The following TTBK1 variants were observed in gnomAD, a reference collection of about 807,000 sequenced individuals.
TTBK1 encodes the protein tau tubulin kinase 1.
In TTBK1, 34 loss-of-function variants were observed where a neutral mutation model predicts 108.5. That is an observed-to-expected ratio of 0.31 (90% CI 0.24 to 0.42). The LOEUF is 0.42. Ranked by LOEUF, TTBK1 falls within the 10% of genes least tolerant of loss-of-function variation. The pLI is 1.00. For synonymous variants in TTBK1, 809 were observed against 795.1 expected, an observed-to-expected ratio of 1.02 and a Z score of -0.29; for missense variants, 1,539 against 1,826.0, an observed-to-expected ratio of 0.84 and a Z score of 2.86.
chr6:43,256,872 T>C (rs1052088923), intron 9 of TTBK1, among the ~76,000 whole-genome samples: 2 of 152,150 alleles, frequency 1.3e-5, no homozygotes, highest in Non-Finnish European at 1.5e-5. Flanking sequence ...ATATAGTGGT[T>C]AGGAGCAGGG....
chr6:43,279,082 A>G (rs1379455359), intron 13 of TTBK1, among the ~76,000 whole-genome samples: 3 of 152,138 alleles, frequency 2.0e-5, no homozygotes, highest in African/African-American at 7.2e-5. Context: ...GCCCAAATCC[A>G]TGCCCCTCTC....
chr6:43,259,595 C>T lies in TTBK1; in HGVS notation c.1313C>T (p.Pro438Leu). 1.2e-6 allele frequency: 2 copies of T among 1,611,590 alleles called. No homozygotes were observed. Among genetic ancestry groups the T allele is most frequent in the Non-Finnish European group, 1.7e-6 (2 of 1,179,116 alleles). The change falls in exon 12 of 15, where the codon CCC becomes CTC. Residue 438 changes from proline to leucine, a missense_variant. By Grantham distance (98) the Pro-to-Leu change is moderately conservative (BLOSUM62 -3). This residue lies in a region of TTBK1 where 277 missense variants were observed against 332.4 expected (regional missense o/e 0.83). Coordinates refer to ENST00000259750, the MANE Select transcript of TTBK1 (RefSeq NM_032538.3). The surrounding 1 kb of genome is among the most constrained non-coding windows in gnomAD (Gnocchi z 6.7). ...MGVPSSPVRA[P>L]PDSPTTPVRS... ...GTCCCCAGCTCCCCAGTGCGTGCCC[C>T]CCCAGACTCCCCCACAACCCCAGTC...
chr6:43,287,579 CCT>C lies in TTBK1; in HGVS notation c.*2206_*2207del, dbSNP rs908423690. 6.6e-6 allele frequency: 1 copy of C among 152,224 alleles called. No homozygotes were observed. Among genetic ancestry groups the C allele is most frequent in the Admixed American group, 6.5e-5 (1 of 15,278 alleles). 9.4% of individuals were successfully genotyped at this position (152,224 alleles called of 1,614,324 possible). On this transcript the variant is annotated 3_prime_UTR_variant, in exon 15 of 15. Coordinates refer to ENST00000259750, the MANE Select transcript of TTBK1 (RefSeq NM_032538.3). This position sits in a 1 kb window ranked among gnomAD's most constrained non-coding sequence, Gnocchi z 4.1. The stretch of plus-strand genomic sequence containing the variant: ...CCTAGGGCTCCCAACTGACCTCAGG[CCT>C]CTGAGTCACTGAATGTCACCAGGAG...
chr6:43,261,956 T>C (rs1777552540), intron 12 of TTBK1, among the ~76,000 whole-genome samples: 1 of 152,062 alleles, frequency 6.6e-6, no homozygotes, highest in South Asian at 2.1e-4. Context: ...AGACATGAGG[T>C]TCACCCTGTG....
intron 13 of TTBK1, chr6:43,271,404 C>T (rs542124015): frequency 1.7e-5 from 17 of 985,360 alleles, no homozygotes; most frequent in Admixed American, 6.1e-5. Context: ...CTGGCACGTG[C>T]GCAAGTTGCA....
At chr6:43,255,527 G>A in intron 7 of TTBK1, 25 bp from the exon 8 acceptor site, 1 of 1,572,348 alleles carries the variant, frequency 6.4e-7, no homozygotes, top group Non-Finnish European at 8.6e-7. Flanking sequence ...GAGAGCTGCA[G>A]GTGACTCCCT....
intron 13 of TTBK1, chr6:43,272,041 G>A: frequency 3.0e-6 from 3 of 985,506 alleles, no homozygotes; most frequent in South Asian, 9.4e-5. Context: ...AGGTGAGGGG[G>A]TGAGGCTGAA....
intron 13 of TTBK1, chr6:43,271,931 C>T: frequency 1.0e-6 from 1 of 983,866 alleles, no homozygotes; most frequent in Non-Finnish European, 1.2e-6. Flanking sequence ...CCTCTGTTGC[C>T]CTCTGGGCTG....
intron 13 of TTBK1, among the ~76,000 whole-genome samples, chr6:43,275,442 G>A (rs898307914): frequency 1.3e-5 from 2 of 151,832 alleles, no homozygotes; most frequent in African/African-American, 4.8e-5. Flanking sequence ...CTGGCCCCGG[G>A]GCGGGGGCGG....
rs545129144 is a variant in TTBK1, at chr6:43,285,116, C to T, written c.3706C>T (p.Pro1236Ser). Residue 1236 changes from proline (P) to serine (S), a missense_variant, in exon 15 of 15, where the codon CCC becomes TCC. Pro to Ser is a moderately conservative substitution (Grantham distance 74). Coordinates refer to ENST00000259750, the MANE Select transcript of TTBK1 (RefSeq NM_032538.3). The surrounding 1 kb of genome is among the most constrained non-coding windows in gnomAD (Gnocchi z 4.7). ...RPPAPRSPRL[P>S]ASTSAARNAS... is the part of the protein sequence containing the mutation. Reference sequence around the variant, plus strand: ...CCCAGCGCCGCGCAGCCCGCGCCTCCCCGCGTCCACATCCGCCGCGCGCAA... The same window carrying T: ...CCCAGCGCCGCGCAGCCCGCGCCTCTCCGCGTCCACATCCGCCGCGCGCAA... 633 of 1,469,302 alleles carry T rather than the reference C, an allele frequency of 4.3e-4. 16 individuals are homozygous for T. In the South Asian group the frequency reaches 7.3e-3, roughly 17 times the overall value. 91.0% of individuals were successfully genotyped at this position (1,469,302 alleles called of 1,614,324 possible). A position where few individuals can be genotyped will look rare whatever the true frequency, so the allele number is the denominator to read the frequency against.
chr6:43,283,718 T>G lies in TTBK1; in HGVS notation c.2978T>G (p.Ile993Arg). Reference protein sequence around the residue: ...LALSGLNGAEIEGSALSGAPR... With the variant: ...LALSGLNGAEREGSALSGAPR... ...CTGTCAGGGCTGAATGGGGCTGAGA[T>G]AGAGGGCTCTGCCCTGTCTGGGGCC... The change falls in exon 14 of 15, where the codon ATA becomes AGA. Residue 993 changes from isoleucine to arginine, a missense_variant. Around this residue, in one of 5 missense-constraint regions of TTBK1, gnomAD observed 1,055 missense variants for 1,086.5 expected, o/e 0.97. Coordinates refer to ENST00000259750, the MANE Select transcript of TTBK1 (RefSeq NM_032538.3). The surrounding 1 kb of genome is among the most constrained non-coding windows in gnomAD (Gnocchi z 8.1). The G allele has an allele frequency of 6.2e-7, 1 of 1,613,774 alleles. No homozygotes were observed. The highest frequency in any genetic ancestry group is 8.5e-7 in the Non-Finnish European group (1 of 1,179,824).
Position 43,259,466 on chromosome 6 carries a change from T to G in TTBK1, c.1249-65T>G. Reference sequence around the variant, plus strand: ...TCATCATCCTCTGTCTCCTTCACCCTGAGGAGACCATCCGCCCACAGCCGC... The same window carrying G: ...TCATCATCCTCTGTCTCCTTCACCCGGAGGAGACCATCCGCCCACAGCCGC... On this transcript the variant is annotated intron_variant, in intron 11 of 14. Transcript: ENST00000259750. The surrounding 1 kb of genome is among the most constrained non-coding windows in gnomAD (Gnocchi z 6.7). 1 of 1,472,102 alleles carries G rather than the reference T, an allele frequency of 6.8e-7. No individual in the cohort carries two copies. The highest frequency in any genetic ancestry group is 2.3e-5 in the East Asian group (1 of 43,078). The allele number at this position is 1,472,102 out of a possible 1,614,324, so 91.2% of individuals were successfully genotyped here.
In TTBK1 at chr6:43,257,930, C is replaced by T. The variant is rs1480542070; in HGVS notation, c.980C>T (p.Pro327Leu). 6.2e-7 allele frequency: 1 copy of T among 1,613,730 alleles called. No homozygotes were observed. Among genetic ancestry groups the T allele is most frequent in the East Asian group, 2.2e-5 (1 of 44,870 alleles). ...ALLSTSTSTP[P>L]QQNTRQTAAM... ...CTGTCCACGAGCACCTCTACCCCGC[C>T]CCAGCAGAACACCCGGCAGACGGCA... The change falls in exon 10 of 15, where the codon CCC (proline) becomes CTC (leucine). Residue 327 changes from proline (P) to leucine (L), a missense_variant. Physicochemically the swap from Pro to Leu is moderately conservative, Grantham distance 98. Transcript: ENST00000259750. This position sits in a 1 kb window ranked among gnomAD's most constrained non-coding sequence, Gnocchi z 4.5.
At position 43,283,300 on chromosome 6, in the gene TTBK1, G is replaced by T; in HGVS notation, c.2560G>T (p.Ala854Ser). ...MKKSPVTAELAPDPDLGTLAA... is the reference protein window; with the variant it reads ...MKKSPVTAELSPDPDLGTLAA... ...GAAGTCGCCCGTCACTGCCGAACTGGCCCCCGACCCCGACCTGGGCACCCT... is the reference window on the plus strand; with the variant it reads ...GAAGTCGCCCGTCACTGCCGAACTGTCCCCCGACCCCGACCTGGGCACCCT... Residue 854 changes from alanine (A) to serine (S), a missense_variant, in exon 14 of 15, where the codon GCC becomes TCC. Transcript: ENST00000259750. This position sits in a 1 kb window ranked among gnomAD's most constrained non-coding sequence, Gnocchi z 8.1. 1 of 1,574,208 alleles carries T rather than the reference G, an allele frequency of 6.4e-7. No homozygotes were observed. Among genetic ancestry groups the T allele is most frequent in the Non-Finnish European group, 8.6e-7 (1 of 1,159,926 alleles).
At position 43,259,811 on chromosome 6, in the gene TTBK1, G is replaced by A. The variant is rs1777490170; in HGVS notation, c.1424+105G>A. 8.2e-7 allele frequency: 1 copy of A among 1,226,882 alleles called. No individual in the cohort carries two copies. The highest frequency in any genetic ancestry group is 1.6e-5 in the South Asian group (1 of 61,980). 76.0% of individuals were successfully genotyped at this position (1,226,882 alleles called of 1,614,324 possible). A position where few individuals can be genotyped will look rare whatever the true frequency, so the allele number is the denominator to read the frequency against. On this transcript the variant is annotated intron_variant, in intron 12 of 14. Transcript: ENST00000259750. The surrounding 1 kb of genome is among the most constrained non-coding windows in gnomAD (Gnocchi z 6.7). ...TGTGTGGCGGAGGTGGGCAGACCCT[G>A]GGAAGTGCTGAGAGGGTTATACTTG...
rs1777865128 is a variant in TTBK1 at position 43,272,680 on chromosome 6, T to C, written c.1986+9330T>C. The C allele has an allele frequency of 4.1e-6, 4 of 985,258 alleles. No individual in the cohort carries two copies. The South Asian group carries it at 1.4e-4, about 35-fold the overall frequency. The allele number at this position is 985,258 out of a possible 1,614,324, so 61.0% of individuals were successfully genotyped here. On this transcript the variant is annotated intron_variant, in intron 13 of 14. Transcript: ENST00000259750. The stretch of plus-strand genomic sequence containing the variant: ...GGTGGCTTTGACTCTTGGAGATTGT[T>C]AAGGTCATCTAAGCCACTTGTGTTG...
rs963618070 is a variant in TTBK1 at position 43,263,234 on chromosome 6, G to A, written c.1870G>A (p.Asp624Asn). ...CCTGCCACCCCAGCTGAGCCAGGGC[G>A]ATGGCCGTTCCGAGACGTCACAGCC... The part of the protein sequence containing the change: ...QPLPPQLSQG[D>N]GRSETSQPPT... The change falls in exon 13 of 15, where the codon GAT (aspartate) becomes AAT (asparagine). Residue 624 changes from aspartate (D) to asparagine (N), a missense_variant. Coordinates refer to ENST00000259750, the MANE Select transcript of TTBK1 (RefSeq NM_032538.3). This position sits in a 1 kb window ranked among gnomAD's most constrained non-coding sequence, Gnocchi z 4.7. The A allele has an allele frequency of 1.1e-5, 18 of 1,569,420 alleles. No homozygotes were observed. The highest frequency in any genetic ancestry group is 5.4e-5 in the African/African-American group (4 of 74,136).
rs970048453 is a variant in TTBK1 at position 43,262,979 on chromosome 6, G to A, written c.1615G>A (p.Asp539Asn). ...GCCGCTGGCTGAGGAGGAGGATTTCGACAGCAAAGAGTGGGTCATCATCGA... is the reference window on the plus strand; with the variant it reads ...GCCGCTGGCTGAGGAGGAGGATTTCAACAGCAAAGAGTGGGTCATCATCGA... ...SVPLAEEEDF[D>N]SKEWVIIDKE... Residue 539 changes from aspartate (D) to asparagine (N), a missense_variant, in exon 13 of 15, where the codon GAC (aspartate) becomes AAC (asparagine). Coordinates refer to ENST00000259750, the MANE Select transcript of TTBK1 (RefSeq NM_032538.3). The A allele has an allele frequency of 8.7e-6, 14 of 1,612,938 alleles. No individual in the cohort carries two copies. The highest frequency in any genetic ancestry group is 1.7e-5 in the Admixed American group (1 of 59,868).
chr6:43,287,032 A>G lies in TTBK1; in HGVS notation c.*1656A>G, dbSNP rs1778399081. Reference sequence around the variant, plus strand: ...TGACCCTGAAAGCAGCCTCCCCCTCATGGAGAGTCAGCAGCTTGGGCAGCC... The same window carrying G: ...TGACCCTGAAAGCAGCCTCCCCCTCGTGGAGAGTCAGCAGCTTGGGCAGCC... On this transcript the variant is annotated 3_prime_UTR_variant, in exon 15 of 15. Transcript: ENST00000259750. The surrounding 1 kb of genome is among the most constrained non-coding windows in gnomAD (Gnocchi z 4.1). 6.6e-6 allele frequency: 1 copy of G among 152,600 alleles called. No homozygotes were observed. Among genetic ancestry groups the G allele is most frequent in the Non-Finnish European group, 1.5e-5 (1 of 68,044 alleles). 9.5% of individuals were successfully genotyped at this position (152,600 alleles called of 1,614,324 possible).
Sources: allele counts gnomAD v4.1 joint callset (sites outside exome capture counted in the v4.1 genomes callset), GRCh38; gene constraint gnomAD v4.1.1; regional missense constraint gnomAD v4.1.1; non-coding constraint Gnocchi (gnomAD v3.1); transcripts MANE v1.5; gene names NCBI Gene and HGNC (gene_info 2026-07-23, HGNC 2026-07-21).